MANEA: variants seen among roughly 807,000 people sequenced by gnomAD.
The protein encoded by MANEA is mannosidase endo-alpha.
MANEA carries 25 observed loss-of-function variants against 36.8 expected under a neutral mutation model. The ratio of observed to expected loss-of-function variants is 0.68; its 90% confidence interval spans 0.50 to 0.95. The LOEUF is 0.95. MANEA is among the 40% of genes least tolerant of loss of function. The pLI is 0.00. For synonymous variants in MANEA, 198 were observed against 188.5 expected, an observed-to-expected ratio of 1.05 and a Z score of -0.41; for missense variants, 565 against 558.8, an observed-to-expected ratio of 1.01 and a Z score of -0.11.
chr6:95,596,672 C>A lies in MANEA; in HGVS notation c.545-65C>A, dbSNP rs901380302. 2.9e-5 allele frequency: 25 copies of A among 853,778 alleles called. No homozygotes were observed. In the African/African-American group the frequency reaches 4.0e-4, roughly 14 times the overall value. 52.9% of individuals were successfully genotyped at this position (853,778 alleles called of 1,614,324 possible). A position where few individuals can be genotyped will look rare whatever the true frequency, so the allele number is the denominator to read the frequency against. On this transcript the variant is annotated intron_variant, in intron 2 of 4. Transcript: ENST00000358812. ...TGTTAACTCTTTGGTACTTACTGTGCCTTTTTAAGAATATCTGCATTCATG... is the reference window on the plus strand; with the variant it reads ...TGTTAACTCTTTGGTACTTACTGTGACTTTTTAAGAATATCTGCATTCATG...
At chr6:95,603,235 T>C (rs1769633995) in intron 3 of MANEA, among the ~76,000 whole-genome samples, 1 of 152,062 alleles carries the variant, frequency 6.6e-6, no homozygotes, top group Non-Finnish European at 1.5e-5. Flanking sequence ...TATTTCAAGT[T>C]GGATATTGCT....
At chr6:95,601,133 T>C (rs1769583063) in intron 3 of MANEA, among the ~76,000 whole-genome samples, 1 of 152,250 alleles carries the variant, frequency 6.6e-6, no homozygotes, top group Admixed American at 6.5e-5. Context: ...AAAGTATACT[T>C]GTCTGCATGT....
At chr6:95,596,936 AAAAATGAT>A in intron 3 of MANEA, 90 bp downstream of exon 3, 2 of 566,772 alleles carry the variant, frequency 3.5e-6, no homozygotes, top group East Asian at 5.8e-5. Context: ...AATTTTAATT[AAAAATGAT>A]AATGACTTAG....
chr6:95,579,234 G>A (rs1468231314), intron 1 of MANEA, among the ~76,000 whole-genome samples: 4 of 152,134 alleles, frequency 2.6e-5, no homozygotes, highest in Admixed American at 6.5e-5. Context: ...TTAGCTGGGC[G>A]TCGTAGCGTG....
At chr6:95,584,454 A>C (rs562732231) in intron 1 of MANEA, among the ~76,000 whole-genome samples, 1 of 152,234 alleles carries the variant, frequency 6.6e-6, no homozygotes, top group South Asian at 2.1e-4. Flanking sequence ...ATAAGGACTG[A>C]GATACGCCCT....
rs2127945941 is a variant in MANEA at position 95,605,078 on chromosome 6, A to G, written c.731+175A>G. On this transcript the variant is annotated intron_variant, in intron 4 of 4. Coordinates refer to ENST00000358812, the MANE Select transcript of MANEA (RefSeq NM_024641.4). Reference sequence around the variant, plus strand: ...CCATCATTTCGAAGAACATTGCTGAAGTTTCTTATAATTCACTTTCTTTTT... The same window carrying G: ...CCATCATTTCGAAGAACATTGCTGAGGTTTCTTATAATTCACTTTCTTTTT... 1.3e-5 allele frequency among the ~76,000 whole-genome samples: 2 copies of G among 152,156 alleles called. 1 individual carries two copies. Among genetic ancestry groups the G allele is most frequent in the South Asian group, 4.1e-4 (2 of 4,824 alleles).
intron 2 of MANEA, among the ~76,000 whole-genome samples, chr6:95,592,640 G>T (rs1769404858): frequency 6.6e-6 from 1 of 152,064 alleles, no homozygotes; most frequent in Non-Finnish European, 1.5e-5. Context: ...GTTTTCTGGG[G>T]CTCAAGGTAT....
At chr6:95,580,542 G>A (rs9400818) in intron 1 of MANEA, among the ~76,000 whole-genome samples, 90,386 of 151,418 alleles carry the variant, frequency 0.6, 27,371 homozygotes, top group East Asian at 0.87. Flanking sequence ...TGGCTAACAC[G>A]GTGAAACCCC....
chr6:95,584,931 G>T (rs1192551171), intron 1 of MANEA, among the ~76,000 whole-genome samples: 1 of 152,170 alleles, frequency 6.6e-6, no homozygotes, highest in Non-Finnish European at 1.5e-5. Context: ...CAGTTTGTAG[G>T]AAGTTTCACT....
intron 3 of MANEA, 81 bp from the exon 4 acceptor site, chr6:95,604,746 C>T: frequency 1.8e-6 from 1 of 558,720 alleles, no homozygotes; most frequent in Non-Finnish European, 3.1e-6. Context: ...AAATCAGTTA[C>T]TTTATTAAAT....
chr6:95,587,682 T>TATAAACCTATATTCACCTATA, intron 2 of MANEA, among the ~76,000 whole-genome samples: 1 of 152,238 alleles, frequency 6.6e-6, no homozygotes, highest in East Asian at 1.9e-4. Flanking sequence ...TTGATAGGTG[T>TATAAACCTATATTCACCTATA]TTGGGCTTTT....
At chr6:95,592,663 A>G (rs1430349528) in intron 2 of MANEA, among the ~76,000 whole-genome samples, 3 of 152,192 alleles carry the variant, frequency 2.0e-5, no homozygotes, top group Non-Finnish European at 4.4e-5. Flanking sequence ...AAATTTATCC[A>G]TCATTATACT....
At chr6:95,595,785 C>T (rs1475342163) in intron 2 of MANEA, among the ~76,000 whole-genome samples, 2 of 152,172 alleles carry the variant, frequency 1.3e-5, no homozygotes, top group South Asian at 2.1e-4. Context: ...ATGCTTCTAA[C>T]ACATAATTTA....
At chr6:95,598,096 G>T (rs1209478940) in intron 3 of MANEA, among the ~76,000 whole-genome samples, 1 of 151,736 alleles carries the variant, frequency 6.6e-6, no homozygotes, top group Non-Finnish European at 1.5e-5. Context: ...GACTATCCTA[G>T]AAAAAAACGT....
Position 95,605,939 on chromosome 6 carries a change from A to T in MANEA, c.923A>T (p.His308Leu), listed in dbSNP as rs145483011. ...ATTGCCCTTCTGGTAGAAGAAAAAC[A>T]TAAGTATGATATTCTTCAAAGTGGT... ...LFIALLVEEKHKYDILQSGFD... is the reference protein window; with the variant it reads ...LFIALLVEEKLKYDILQSGFD... The change falls in exon 5 of 5, where the codon CAT becomes CTT. Residue 308 changes from histidine to leucine, a missense_variant. His to Leu is a moderately conservative substitution (Grantham distance 99). Coordinates refer to ENST00000358812, the MANE Select transcript of MANEA (RefSeq NM_024641.4). 1 of 1,613,964 alleles carries T rather than the reference A, an allele frequency of 6.2e-7. No homozygotes were observed. The highest frequency in any genetic ancestry group is 1.3e-5 in the African/African-American group (1 of 74,928).
intron 1 of MANEA, among the ~76,000 whole-genome samples, chr6:95,585,260 G>A (rs1332321478): frequency 3.3e-5 from 5 of 152,104 alleles, no homozygotes; most frequent in African/African-American, 7.2e-5. Context: ...CCTTTCAGAA[G>A]TTATAAATTA....
chr6:95,578,209 T>A (rs1188350526), intron 1 of MANEA, among the ~76,000 whole-genome samples: 1 of 152,228 alleles, frequency 6.6e-6, no homozygotes, highest in Non-Finnish European at 1.5e-5. Context: ...TGTTTGGCAC[T>A]GTCATCTTAG....
In MANEA at chr6:95,608,332, A is replaced by G. The variant is rs1331490871; in HGVS notation, c.*1927A>G. On this transcript the variant is annotated 3_prime_UTR_variant, in exon 5 of 5. Coordinates refer to ENST00000358812, the MANE Select transcript of MANEA (RefSeq NM_024641.4). ...GTTTTTGTCATTGTGTACGTTGTGTATTTGAACCCACCATGACAGAAAGTA... is the reference window on the plus strand; with the variant it reads ...GTTTTTGTCATTGTGTACGTTGTGTGTTTGAACCCACCATGACAGAAAGTA... 1 of 151,920 alleles carries G rather than the reference A, an allele frequency of 6.6e-6. No individual in the cohort carries two copies. Among genetic ancestry groups the G allele is most frequent in the Non-Finnish European group, 1.5e-5 (1 of 67,828 alleles). The allele number at this position is 151,920 out of a possible 1,614,324, so 9.4% of individuals were successfully genotyped here. A position where few individuals can be genotyped will look rare whatever the true frequency, so the allele number is the denominator to read the frequency against.
rs1188084689 is a variant in MANEA at position 95,609,257 on chromosome 6, T to G, written c.*2852T>G. 4 of 151,788 alleles carry G rather than the reference T, an allele frequency of 2.6e-5. No homozygotes were observed. Among genetic ancestry groups the G allele is most frequent in the African/African-American group, 9.7e-5 (4 of 41,424 alleles). 9.4% of individuals were successfully genotyped at this position (151,788 alleles called of 1,614,324 possible). A position where few individuals can be genotyped will look rare whatever the true frequency, so the allele number is the denominator to read the frequency against. Reference sequence around the variant, plus strand: ...ATTAATTTTTATGGTTTAATCAGTCTAATTGTTTTGACTGTTATAGAAACC... The same window carrying G: ...ATTAATTTTTATGGTTTAATCAGTCGAATTGTTTTGACTGTTATAGAAACC... On this transcript the variant is annotated 3_prime_UTR_variant, in exon 5 of 5. Transcript: ENST00000358812.
Sources: gnomAD v4.1 joint callset for allele counts (sites outside exome capture counted in the v4.1 genomes callset) on GRCh38, gnomAD v4.1.1 for gene constraint, MANE v1.5 for transcripts, NCBI Gene and HGNC (gene_info 2026-07-23, HGNC 2026-07-21) for gene names.